Variants in WASHC2C observed in about 807,000 individuals in gnomAD.
WASHC2C encodes Vaccinia Penetration Factor.
A neutral mutation model predicts 142.2 loss-of-function variants in WASHC2C; 73 were observed. The observed-to-expected ratio is 0.51, with a 90% CI of 0.43 to 0.62. WASHC2C has a LOEUF of 0.62. WASHC2C is among the 20% of genes least tolerant of loss of function. The pLI, the probability that WASHC2C is intolerant of heterozygous loss-of-function variation, is 0.00. For missense variants in WASHC2C, 969 were observed against 1,531.7 expected (o/e 0.63, Z 6.13); for synonymous variants, 337 against 565.5 (o/e 0.60, Z 5.73).
intron 13 of WASHC2C, 135 bp downstream of exon 13, chr10:45,753,372 A>C: frequency 1.1e-6 from 1 of 916,716 alleles, no homozygotes; most frequent in Non-Finnish European, 1.6e-6. Context: ...ACTGCGGTCC[A>C]GTTGAAAGTA....
chr10:45,745,496 G>A lies in WASHC2C; in HGVS notation c.684+614G>A, dbSNP rs556035173. On this transcript the variant is annotated intron_variant, in intron 7 of 30. Coordinates refer to ENST00000623400, the MANE Select transcript of WASHC2C (RefSeq NM_001330074.2). ...GAGAGTCCTCGAGTATGGGATTTCC[G>A]AAAGGAGACAGTGTTGTGTATGTGC... 2.5e-3 allele frequency among the ~76,000 whole-genome samples: 376 copies of A among 151,724 alleles called. 2 individuals carry two copies. Among genetic ancestry groups the A allele is most frequent in the African/African-American group, 8.9e-3 (367 of 41,190 alleles).
intron 5 of WASHC2C, among the ~76,000 whole-genome samples, chr10:45,742,912 A>C (rs1167464070): frequency 1.0e-5 from 1 of 99,188 alleles, no homozygotes. Context: ...TTTTGCTCTT[A>C]TTGCCCAGGC....
intron 17 of WASHC2C, among the ~76,000 whole-genome samples, chr10:45,761,381 T>C (rs1206163188): frequency 3.3e-4 from 50 of 150,772 alleles, no homozygotes; most frequent in Admixed American, 6.0e-4. Context: ...CATTTGTTGG[T>C]CAAGATGGTC....
chr10:45,746,930 GA>G (rs1419474378), intron 8 of WASHC2C, among the ~76,000 whole-genome samples: 3 of 152,132 alleles, frequency 2.0e-5, no homozygotes, highest in African/African-American at 7.2e-5. Flanking sequence ...TACCCAAACT[GA>G]ACTACTTTGC....
intron 23 of WASHC2C, among the ~76,000 whole-genome samples, chr10:45,780,897 G>C (rs1403764086): frequency 6.6e-6 from 1 of 151,612 alleles, no homozygotes; most frequent in African/African-American, 2.4e-5. Flanking sequence ...GGGATTATAG[G>C]CACCCACCAC....
chr10:45,750,214 A>G lies in WASHC2C; in HGVS notation c.843+8A>G. The G allele has an allele frequency of 6.2e-7, 1 of 1,609,872 alleles. No individual in the cohort carries two copies. The highest frequency in any genetic ancestry group is 8.5e-7 in the Non-Finnish European group (1 of 1,178,974). ...GAAGAAAATACTAGACCTGTAAGGA[A>G]GGCTGTAGTTGCTATCACTTGGCAG... On this transcript the variant is annotated splice_region_variant and intron_variant, in intron 9 of 30. Transcript: ENST00000623400.
At chr10:45,771,825 T>C (rs531714019) in intron 20 of WASHC2C, 12 of 155,358 alleles carry the variant, frequency 7.7e-5, no homozygotes, top group African/African-American at 2.9e-4. Flanking sequence ...GTAGTCACTT[T>C]GGAAAGTAGT....
chr10:45,782,976 CT>C (rs1281357049), intron 23 of WASHC2C, among the ~76,000 whole-genome samples: 1 of 152,090 alleles, frequency 6.6e-6, no homozygotes, highest in African/African-American at 2.4e-5. Context: ...TTTGGGGTTT[CT>C]TTTGGGGGTG....
chr10:45,767,364 C>T (rs1198657756), intron 19 of WASHC2C, among the ~76,000 whole-genome samples: 68 of 148,694 alleles, frequency 4.6e-4, no homozygotes, highest in African/African-American at 1.6e-3. Context: ...CTTTAGAAAG[C>T]GTTTAAGGAA....
At chr10:45,734,887 G>T (rs2051031469) in intron 3 of WASHC2C, among the ~76,000 whole-genome samples, 1 of 151,270 alleles carries the variant, frequency 6.6e-6, no homozygotes, top group Non-Finnish European at 1.5e-5. Context: ...ACCATGCCTG[G>T]CCAACTTTTT....
chr10:45,761,382 C>T (rs1554879929), intron 17 of WASHC2C, among the ~76,000 whole-genome samples: 1 of 152,140 alleles, frequency 6.6e-6, no homozygotes, highest in Non-Finnish European at 1.5e-5. Context: ...ATTTGTTGGT[C>T]AAGATGGTCA....
intron 16 of WASHC2C, among the ~76,000 whole-genome samples, chr10:45,757,839 A>G (rs2054503187): frequency 6.6e-6 from 1 of 152,266 alleles, no homozygotes; most frequent in Non-Finnish European, 1.5e-5. Flanking sequence ...GGAGGAGCTT[A>G]GGCAGTAATG....
intron 19 of WASHC2C, among the ~76,000 whole-genome samples, chr10:45,769,026 C>G (rs2056276958): frequency 6.6e-6 from 1 of 152,086 alleles, no homozygotes; most frequent in Non-Finnish European, 1.5e-5. Flanking sequence ...GACTGATGCA[C>G]TAAGTTTAAT....
At chr10:45,741,443 C>G (rs1402517019) in intron 5 of WASHC2C, among the ~76,000 whole-genome samples, 1 of 151,954 alleles carries the variant, frequency 6.6e-6, no homozygotes, top group African/African-American at 2.4e-5. Context: ...ACTTCCAAGA[C>G]ACACAGCACT....
intron 8 of WASHC2C, among the ~76,000 whole-genome samples, chr10:45,749,836 A>AAAAAAAAAAAATATAT (rs1227809519): frequency 3.9e-5 from 4 of 101,770 alleles, no homozygotes; most frequent in African/African-American, 1.7e-4. Flanking sequence ...AAAAAAAAAA[A>AAAAAAAAAAAATATAT]ATATATATAT....
At chr10:45,746,887 T>C (rs1300167080) in intron 8 of WASHC2C, among the ~76,000 whole-genome samples, 5 of 152,322 alleles carry the variant, frequency 3.3e-5, no homozygotes, top group Admixed American at 1.3e-4. Context: ...AAAAGCACAA[T>C]TGGAAAACAG....
chr10:45,739,220 A>G (rs1554866171), intron 4 of WASHC2C, among the ~76,000 whole-genome samples: 1 of 151,528 alleles, frequency 6.6e-6, no homozygotes, highest in East Asian at 1.9e-4. Flanking sequence ...AAAATACACA[A>G]CCAAGACAAA....
intron 8 of WASHC2C, among the ~76,000 whole-genome samples, chr10:45,749,101 G>T (rs1482087278): frequency 6.6e-6 from 1 of 151,990 alleles, no homozygotes; most frequent in Non-Finnish European, 1.5e-5. Flanking sequence ...GTAAGACTAT[G>T]CTGATGATGT....
At chr10:45,729,257 C>A (rs193269726) in intron 3 of WASHC2C, among the ~76,000 whole-genome samples, 93 of 152,144 alleles carry the variant, frequency 6.1e-4, no homozygotes, top group African/African-American at 1.9e-3. Flanking sequence ...TCAGTGCTTC[C>A]ATCTTTTGTC....
Sources: gnomAD v4.1 joint callset for allele counts (sites outside exome capture counted in the v4.1 genomes callset) on GRCh38, gnomAD v4.1.1 for gene constraint, MANE v1.5 for transcripts, NCBI Gene and HGNC (gene_info 2026-07-23, HGNC 2026-07-21) for gene names.